Variants in DERA observed in about 807,000 individuals in gnomAD.
DERA encodes the protein 2-deoxy-D-ribose 5-phosphate aldolase.
A neutral mutation model predicts 41.1 loss-of-function variants in DERA; 15 were observed. The observed-to-expected ratio is 0.37, with a 90% confidence interval of 0.24 to 0.56. DERA has a LOEUF of 0.56. Among genes scored for constraint, DERA ranks in the 20% least tolerant of loss-of-function variants. DERA has a pLI of 0.81. For synonymous variants in DERA, 139 were observed against 137.4 expected, an observed-to-expected ratio of 1.01 and a Z score of -0.08; for missense variants, 396 against 403.4, an observed-to-expected ratio of 0.98 and a Z score of 0.16.
Position 16,032,529 on chromosome 12 carries a change from CT to C in DERA, c.638-8del, listed in dbSNP as rs57961487. The C allele has an allele frequency of 7.2e-7, 1 of 1,385,370 alleles. No homozygotes were observed. The highest frequency in any genetic ancestry group is 1.5e-5 in the South Asian group (1 of 68,588). The allele number at this position is 1,385,370 out of a possible 1,614,324, so 85.8% of individuals were successfully genotyped here. A position where few individuals can be genotyped will look rare whatever the true frequency, so the allele number is the denominator to read the frequency against. On this transcript the variant is annotated splice_polypyrimidine_tract_variant and intron_variant, in intron 6 of 8. Coordinates refer to ENST00000428559, the MANE Select transcript of DERA (RefSeq NM_015954.4). ...CTTTAATTAACATGGAGTTTTTCCT[CT>C]TTTTGTTTTAGGATCAGATTTTATT...
At chr12:16,030,931 G>A (rs1286376244) in intron 6 of DERA, among the ~76,000 whole-genome samples, 4 of 152,168 alleles carry the variant, frequency 2.6e-5, no homozygotes, top group African/African-American at 7.2e-5. Flanking sequence ...AGAAATGAAG[G>A]CTTCCAGTGA....
chr12:15,939,004 G>T (rs1029520163), intron 1 of DERA, among the ~76,000 whole-genome samples: 1 of 152,134 alleles, frequency 6.6e-6, no homozygotes, highest in African/African-American at 2.4e-5. Flanking sequence ...ATTCTGGGCT[G>T]ACCCTGTAAG....
chr12:16,010,466 C>T lies in DERA; in HGVS notation c.638-22076C>T, dbSNP rs928743409. 6.6e-6 allele frequency among the ~76,000 whole-genome samples: 1 copy of T among 151,022 alleles called. No homozygotes were observed. Among genetic ancestry groups the T allele is most frequent in the Non-Finnish European group, 1.5e-5 (1 of 67,912 alleles). On this transcript the variant is annotated intron_variant, in intron 6 of 8. Transcript: ENST00000428559. The surrounding 1 kb of genome is among the most constrained non-coding windows in gnomAD (Gnocchi z 5.5). ...ACCTTTACCCATAGATGAGGTTTTC[C>T]GAGTTCTGCTGCTTTCCCCTTTGCC...
In DERA at chr12:16,036,786, T is replaced by C. The variant is rs1194065333; in HGVS notation, c.*40T>C. ...CCAGAAAAGTTCTTTACGACAATGT[T>C]TAAAAATTATTTTTCTACGTAATTG... On this transcript the variant is annotated 3_prime_UTR_variant, in exon 9 of 9. Coordinates refer to ENST00000428559, the MANE Select transcript of DERA (RefSeq NM_015954.4). The surrounding 1 kb of genome is among the most constrained non-coding windows in gnomAD (Gnocchi z 4.9). 6 of 1,436,590 alleles carry C rather than the reference T, an allele frequency of 4.2e-6. No individual in the cohort carries two copies. Among genetic ancestry groups the C allele is most frequent in the Non-Finnish European group, 5.7e-6 (6 of 1,046,660 alleles). 89.0% of individuals were successfully genotyped at this position (1,436,590 alleles called of 1,614,324 possible).
intron 1 of DERA, among the ~76,000 whole-genome samples, chr12:15,916,721 G>A (rs886830396): frequency 9.2e-5 from 14 of 152,122 alleles, no homozygotes; most frequent in African/African-American, 3.4e-4. Flanking sequence ...AAAGTACTGG[G>A]ATTACAGGCA....
rs2136133208 is a variant in DERA, at chr12:15,936,225, T to C, written c.32-20711T>C. On this transcript the variant is annotated intron_variant, in intron 1 of 8. Transcript: ENST00000428559. This position sits in a 1 kb window ranked among gnomAD's most constrained non-coding sequence, Gnocchi z 4.6. ...AGGAGAGAATCATTGTGGGTCATTTTTGAGGCTAGCTACCCGTTTCCCTTA... is the reference window on the plus strand; with the variant it reads ...AGGAGAGAATCATTGTGGGTCATTTCTGAGGCTAGCTACCCGTTTCCCTTA... Among the ~76,000 whole-genome samples, 1 of 152,340 alleles carries C rather than the reference T, an allele frequency of 6.6e-6. No homozygotes were observed. The highest frequency in any genetic ancestry group is 2.1e-4 in the South Asian group (1 of 4,826).
In DERA at chr12:15,996,365, A is replaced by T. The variant is rs752086080; in HGVS notation, c.637+13929A>T. On this transcript the variant is annotated intron_variant, in intron 6 of 8. Transcript: ENST00000428559. This position sits in a 1 kb window ranked among gnomAD's most constrained non-coding sequence, Gnocchi z 4.7. ...TTCTGGAGGCCAGAAGCCCGCAGTC[A>T]GGGTGTCAGCAGGCTTATGCTCCCT... Among the ~76,000 whole-genome samples, 2 of 152,144 alleles carry T rather than the reference A, an allele frequency of 1.3e-5. No individual in the cohort carries two copies. The highest frequency in any genetic ancestry group is 2.9e-5 in the Non-Finnish European group (2 of 68,022).
intron 3 of DERA, 60 bp downstream of exon 3, chr12:15,958,395 C>G: frequency 7.4e-7 from 1 of 1,357,176 alleles, no homozygotes; most frequent in Non-Finnish European, 9.8e-7. Flanking sequence ...ATTACTAAAT[C>G]AAAGACGACT....
chr12:15,973,727 A>T (rs1948679446), intron 5 of DERA, among the ~76,000 whole-genome samples: 1 of 152,072 alleles, frequency 6.6e-6, no homozygotes, highest in South Asian at 2.1e-4. Context: ...TGCTCCATAG[A>T]CCTATATTTA....
intron 1 of DERA, among the ~76,000 whole-genome samples, chr12:15,953,550 T>C (rs1056081516): frequency 6.6e-6 from 1 of 152,096 alleles, no homozygotes; most frequent in Non-Finnish European, 1.5e-5. Context: ...TTAAGGTAAA[T>C]AGTGGGACTT....
intron 1 of DERA, among the ~76,000 whole-genome samples, chr12:15,946,661 C>G (rs765479968): frequency 7.3e-5 from 11 of 151,552 alleles, no homozygotes; most frequent in Middle Eastern, 3.4e-3. Flanking sequence ...TTTTGTTGAT[C>G]TTTTCAAAAA....
rs980486339 is a variant in DERA at position 16,011,563 on chromosome 12, CCT to C, written c.638-20975_638-20974del. On this transcript the variant is annotated intron_variant, in intron 6 of 8. Transcript: ENST00000428559. The surrounding 1 kb of genome is among the most constrained non-coding windows in gnomAD (Gnocchi z 4.7). ...GTATTGAGGTTCCATTTCCCCCTTCCCTCTCAGCAAAAGTAAAAGAAAAGAGA... is the reference window on the plus strand; with the variant it reads ...GTATTGAGGTTCCATTTCCCCCTTCCCTCAGCAAAAGTAAAAGAAAAGAGA... Among the ~76,000 whole-genome samples, 22 of 152,234 alleles carry C rather than the reference CCT, an allele frequency of 1.4e-4. No homozygotes were observed. The highest frequency in any genetic ancestry group is 4.8e-4 in the African/African-American group (20 of 41,542).
rs1158297557 is a variant in DERA, at chr12:15,992,363, GACAATTTATATTTTA to G, written c.637+9932_637+9946del. On this transcript the variant is annotated intron_variant, in intron 6 of 8. Transcript: ENST00000428559. The surrounding 1 kb of genome is among the most constrained non-coding windows in gnomAD (Gnocchi z 4.3). The stretch of plus-strand genomic sequence containing the variant: ...CTTATTTTAGTTGAACAAAAAGAGA[GACAATTTATATTTTA>G]ACAAGGATATTGTATTTCTAAAGCA... Among the ~76,000 whole-genome samples the G allele has an allele frequency of 1.3e-5, 2 of 152,078 alleles. No individual in the cohort carries two copies. Among genetic ancestry groups the G allele is most frequent in the South Asian group, 2.1e-4 (1 of 4,826 alleles).
In DERA at chr12:16,020,921, G is replaced by A. The variant is rs75892859; in HGVS notation, c.638-11621G>A. Among the ~76,000 whole-genome samples, 340 of 152,250 alleles carry A rather than the reference G, an allele frequency of 2.2e-3. 1 individual carries two copies. The highest frequency in any genetic ancestry group is 7.1e-3 in the African/African-American group (297 of 41,542). ...CAGCAAAGCATTCATGATGTGGCCC[G>A]GCTACTTCTAACAGCCTACAGTCAC... On this transcript the variant is annotated intron_variant, in intron 6 of 8. Coordinates refer to ENST00000428559, the MANE Select transcript of DERA (RefSeq NM_015954.4). The surrounding 1 kb of genome is among the most constrained non-coding windows in gnomAD (Gnocchi z 5.5).
chr12:16,002,585 C>G (rs1376459500), intron 6 of DERA, among the ~76,000 whole-genome samples: 1 of 151,974 alleles, frequency 6.6e-6, no homozygotes, highest in East Asian at 1.9e-4. Context: ...ATGTGGTTAC[C>G]ATTTTTTTGT....
chr12:16,037,030 A>G lies in DERA; in HGVS notation c.*284A>G, dbSNP rs1949134065. 2 of 334,136 alleles carry G rather than the reference A, an allele frequency of 6.0e-6. No individual in the cohort carries two copies. The highest frequency in any genetic ancestry group is 1.1e-5 in the Non-Finnish European group (2 of 186,114). 20.7% of individuals were successfully genotyped at this position (334,136 alleles called of 1,614,324 possible). On this transcript the variant is annotated 3_prime_UTR_variant, in exon 9 of 9. Coordinates refer to ENST00000428559, the MANE Select transcript of DERA (RefSeq NM_015954.4). This position sits in a 1 kb window ranked among gnomAD's most constrained non-coding sequence, Gnocchi z 6.7. ...AAGTAAAATGTTAATGGTAGCTTTG[A>G]TAACATCAAATTCTAAGGGAGAAAA...
At chr12:15,978,558 A>C (rs867647611) in intron 5 of DERA, among the ~76,000 whole-genome samples, 2 of 152,198 alleles carry the variant, frequency 1.3e-5, no homozygotes, top group East Asian at 1.9e-4. Context: ...ATAATTCCTA[A>C]ATGTTTACAC....
At position 15,921,092 on chromosome 12, in the gene DERA, TAAGC is replaced by T. The variant is rs1389542168; in HGVS notation, c.31+9681_31+9684del. 6.6e-6 allele frequency among the ~76,000 whole-genome samples: 1 copy of T among 152,228 alleles called. No individual in the cohort carries two copies. Among genetic ancestry groups the T allele is most frequent in the Non-Finnish European group, 1.5e-5 (1 of 68,042 alleles). On this transcript the variant is annotated intron_variant, in intron 1 of 8. Coordinates refer to ENST00000428559, the MANE Select transcript of DERA (RefSeq NM_015954.4). This position sits in a 1 kb window ranked among gnomAD's most constrained non-coding sequence, Gnocchi z 5.3. ...TTATATATCATATATTTTACACTGATAAGCAAAGTTTCTCTAAGCAAATATGGAA... is the reference window on the plus strand; with the variant it reads ...TTATATATCATATATTTTACACTGATAAAGTTTCTCTAAGCAAATATGGAA...
rs749763487 is a variant in DERA, at chr12:16,036,718, C to T, written c.929C>T (p.Ala310Val). ...TACCATCATGTGACTGGAAGATATG[C>T]AGCTTATCATGATCTTCCAATGTCT... The part of the protein sequence containing the change: ...QIYHHVTGRY[A>V]AYHDLPMS Residue 310 changes from alanine to valine, a missense_variant, in exon 9 of 9, where the codon GCA becomes GTA. Coordinates refer to ENST00000428559, the MANE Select transcript of DERA (RefSeq NM_015954.4). This position sits in a 1 kb window ranked among gnomAD's most constrained non-coding sequence, Gnocchi z 4.9. 1.9e-6 allele frequency: 3 copies of T among 1,601,298 alleles called. No homozygotes were observed. The South Asian group carries it at 3.4e-5, about 18-fold the overall frequency.
Sources: allele counts gnomAD v4.1 joint callset (sites outside exome capture counted in the v4.1 genomes callset), GRCh38; gene constraint gnomAD v4.1.1; non-coding constraint Gnocchi (gnomAD v3.1); transcripts MANE v1.5; gene names NCBI Gene and HGNC (gene_info 2026-07-23, HGNC 2026-07-21).